Variants in SLC28A3 observed in about 807,000 individuals in gnomAD.
The protein encoded by SLC28A3 is solute carrier family 28 member 3.
Under a neutral mutation model 84.2 loss-of-function variants are expected in SLC28A3, and 68 were observed. That is an observed-to-expected ratio of 0.81 (90% CI 0.66 to 0.99). The LOEUF (loss-of-function observed/expected upper bound fraction) is 0.99. Among genes scored for constraint, SLC28A3 ranks in the 50% least tolerant of loss-of-function variants. The pLI, the probability that SLC28A3 is intolerant of heterozygous loss-of-function variation, is 0.00. For missense variants in SLC28A3, 712 were observed against 841.5 expected, an observed-to-expected ratio of 0.85 and a Z score of 1.90; for synonymous variants, 267 against 303.6, an observed-to-expected ratio of 0.88 and a Z score of 1.25.
Position 84,315,791 on chromosome 9 carries a change from G to A in SLC28A3, c.61-2337C>T, listed in dbSNP as rs531476979. On this transcript the variant is annotated intron_variant, in intron 1 of 17. Transcript: ENST00000376238. ...TTCTTCTTCTTTTTAAATTAGAGTC[G>A]TGGGGCTGTGATATGGGGCCCCAGA... 9.5e-4 allele frequency among the ~76,000 whole-genome samples: 145 copies of A among 152,266 alleles called. 2 individuals are homozygous for A. Among genetic ancestry groups the A allele is most frequent in the African/African-American group, 3.2e-3 (134 of 41,540 alleles).
At chr9:84,315,522 T>C (rs1424833067) in intron 1 of SLC28A3, among the ~76,000 whole-genome samples, 1 of 152,182 alleles carries the variant, frequency 6.6e-6, no homozygotes, top group South Asian at 2.1e-4. Context: ...TTAAAGTTAA[T>C]GAAAGTGGAA....
intron 2 of SLC28A3, among the ~76,000 whole-genome samples, chr9:84,312,999 A>G (rs1826041792): frequency 6.6e-6 from 1 of 152,212 alleles, no homozygotes; most frequent in East Asian, 1.9e-4. Context: ...ATGCGAGTGC[A>G]TGATGGACCC....
the SLC28A3 span, among the ~76,000 whole-genome samples, chr9:84,365,071 T>G: frequency 2.6e-5 from 4 of 152,226 alleles, no homozygotes; most frequent in Admixed American, 6.5e-5. Context: ...AGTTGCTCTA[T>G]TTTTAGATTT....
chr9:84,313,291 T>C, intron 2 of SLC28A3, 68 bp downstream of exon 2: 1 of 1,382,062 alleles, frequency 7.2e-7, no homozygotes, highest in Non-Finnish European at 1.0e-6. Flanking sequence ...CTGTGCCCAC[T>C]GTTCTCAGGT....
upstream of SLC28A3, among the ~76,000 whole-genome samples, chr9:84,344,521 A>T (rs374141966): frequency 5.9e-5 from 9 of 152,218 alleles, no homozygotes; most frequent in South Asian, 1.9e-3. Context: ...ATATATCATG[A>T]CTTACTTTCA....
At chr9:84,300,931 C>A (rs565493723) in intron 5 of SLC28A3, among the ~76,000 whole-genome samples, 1 of 152,248 alleles carries the variant, frequency 6.6e-6, no homozygotes, top group African/African-American at 2.4e-5. Flanking sequence ...GTCATGTTCA[C>A]AGTTCTCATT....
intron 1 of SLC28A3, among the ~76,000 whole-genome samples, chr9:84,320,535 C>G (rs1445236136): frequency 6.6e-6 from 1 of 152,136 alleles, no homozygotes; most frequent in East Asian, 1.9e-4. Flanking sequence ...TTCCTCCTTC[C>G]TTTCCTGTGC....
At chr9:84,325,049 GCTTAA>G (rs1299277483) in intron 1 of SLC28A3, among the ~76,000 whole-genome samples, 1 of 152,208 alleles carries the variant, frequency 6.6e-6, no homozygotes, top group Non-Finnish European at 1.5e-5. Context: ...GTAGTTTTAA[GCTTAA>G]CTTATCATTG....
chr9:84,324,660 A>G (rs1826491739), intron 1 of SLC28A3, among the ~76,000 whole-genome samples: 1 of 152,146 alleles, frequency 6.6e-6, no homozygotes, highest in South Asian at 2.1e-4. Context: ...AAAAAAAAAA[A>G]AAGTCTTAAA....
intron 11 of SLC28A3, 147 bp downstream of exon 11, chr9:84,290,007 G>A (rs957476427): frequency 1.0e-6 from 1 of 1,002,956 alleles, no homozygotes; most frequent in African/African-American, 1.6e-5. Flanking sequence ...ATGTTCAAAT[G>A]CCAAAGCAAC....
At position 84,337,998 on chromosome 9, in the gene SLC28A3, G is replaced by A. The variant is rs1827041307; in HGVS notation, c.60+2576C>T. On this transcript the variant is annotated intron_variant, in intron 1 of 17. Coordinates refer to ENST00000376238, the MANE Select transcript of SLC28A3 (RefSeq NM_001199633.2). ...CAGCAATTGGTGCTCCCTTCTTTGA[G>A]GAACAGTCCAGATGAGAGCCTGTCC... Among the ~76,000 whole-genome samples the A allele has an allele frequency of 3.9e-5, 6 of 152,144 alleles. No individual in the cohort carries two copies. The South Asian group carries it at 1.2e-3, about 32-fold the overall frequency.
intron 4 of SLC28A3, among the ~76,000 whole-genome samples, chr9:84,304,505 G>A (rs1437381131): frequency 6.6e-6 from 1 of 151,724 alleles, no homozygotes; most frequent in African/African-American, 2.4e-5. Context: ...AACAAATAAA[G>A]TGAGCCAAGG....
chr9:84,291,283 G>A (rs1825209972), intron 10 of SLC28A3, among the ~76,000 whole-genome samples: 1 of 152,166 alleles, frequency 6.6e-6, no homozygotes, highest in African/African-American at 2.4e-5. Flanking sequence ...CCTAGGGAAG[G>A]AAGCATGGGA....
chr9:84,279,193 A>C, intron 17 of SLC28A3, 72 bp downstream of exon 17: 1 of 1,285,388 alleles, frequency 7.8e-7, no homozygotes, highest in Non-Finnish European at 1.0e-6. Context: ...AAAAAAAAGT[A>C]AGTGGATATT....
intron 14 of SLC28A3, among the ~76,000 whole-genome samples, chr9:84,284,252 C>T (rs1436389507): frequency 6.6e-6 from 1 of 152,150 alleles, no homozygotes; most frequent in Non-Finnish European, 1.5e-5. Flanking sequence ...GGATAATTGG[C>T]CAAGCTTTAC....
At chr9:84,296,311 T>C (rs1247083999) in intron 8 of SLC28A3, among the ~76,000 whole-genome samples, 1 of 152,200 alleles carries the variant, frequency 6.6e-6, no homozygotes, top group Non-Finnish European at 1.5e-5. Flanking sequence ...TGCAGGCTTC[T>C]TACAAACAGC....
intron 1 of SLC28A3, among the ~76,000 whole-genome samples, chr9:84,326,920 G>A (rs1243851233): frequency 1.3e-5 from 2 of 151,972 alleles, no homozygotes; most frequent in Admixed American, 6.6e-5. Flanking sequence ...CAGGAGAATC[G>A]CTAGAACCCA....
chr9:84,300,690 G>A (rs1039784646), intron 5 of SLC28A3, among the ~76,000 whole-genome samples: 1 of 152,186 alleles, frequency 6.6e-6, no homozygotes. Context: ...AGGGAGAGGA[G>A]GTCCCTCAGA....
intron 5 of SLC28A3, among the ~76,000 whole-genome samples, 193 bp from the exon 6 acceptor site, chr9:84,299,918 C>A (rs1825563034): frequency 6.6e-6 from 1 of 151,974 alleles, no homozygotes; most frequent in South Asian, 2.1e-4. Flanking sequence ...TCAGCCTCCC[C>A]AGTAGCTGGG....
Sources: gnomAD v4.1 joint callset for allele counts (sites outside exome capture counted in the v4.1 genomes callset) on GRCh38, gnomAD v4.1.1 for gene constraint, MANE v1.5 for transcripts, NCBI Gene and HGNC (gene_info 2026-07-23, HGNC 2026-07-21) for gene names.